The following PTPRT variants were observed in gnomAD, a reference collection of about 807,000 sequenced individuals.
PTPRT encodes the protein protein tyrosine phosphatase receptor type T, also known as receptor-type tyrosine-protein phosphatase T.
In PTPRT, 56 loss-of-function variants were observed where a neutral mutation model predicts 176.8. The ratio of observed to expected loss-of-function variants is 0.32; its 90% CI spans 0.26 to 0.40. The LOEUF (loss-of-function observed/expected upper bound fraction) is 0.40. PTPRT is among the 10% of genes least tolerant of loss of function. The pLI, the probability that PTPRT is intolerant of heterozygous loss-of-function variation, is 1.00. For missense variants in PTPRT, 1,540 were observed against 1,908.2 expected (o/e 0.81, Z 3.60); for synonymous variants, 783 against 739.0 (o/e 1.06, Z -0.96).
At position 43,027,221 on chromosome 20, in the gene PTPRT, T is replaced by C. The variant is rs148956527; in HGVS notation, c.89-141289A>G. On this transcript the variant is annotated intron_variant, in intron 1 of 30. Transcript: ENST00000373187. ...AGCCAGGCACGGTGATTCACGCCTG[T>C]AATCCCAGCACTTTGGGAGGCAGAG... Among the ~76,000 whole-genome samples the C allele has an allele frequency of 3.0e-3, 461 of 152,296 alleles. 1 individual carries two copies. Among genetic ancestry groups the C allele is most frequent in the African/African-American group, 0.01 (430 of 41,554 alleles).
At chr20:42,534,641 A>C (rs1337493144) in intron 7 of PTPRT, among the ~76,000 whole-genome samples, 1 of 152,176 alleles carries the variant, frequency 6.6e-6, no homozygotes, top group Non-Finnish European at 1.5e-5. Flanking sequence ...ATCTCAAAAA[A>C]GAAAAAAAGA....
At chr20:42,833,569 C>A (rs145466461) in intron 2 of PTPRT, among the ~76,000 whole-genome samples, 1 of 151,226 alleles carries the variant, frequency 6.6e-6, no homozygotes, top group South Asian at 2.1e-4. Flanking sequence ...GATGACAAAG[C>A]GAGGCCCCAT....
intron 1 of PTPRT, among the ~76,000 whole-genome samples, chr20:42,992,468 T>C (rs1319098041): frequency 6.6e-6 from 1 of 152,182 alleles, no homozygotes; most frequent in African/African-American, 2.4e-5. Context: ...GCAAGGAACC[T>C]AGCTGCCCTG....
Position 42,074,048 on chromosome 20 carries a change from ACTT to A in PTPRT, c.*6828_*6830del. ...ACCTGGGTCTAGCAAACTGTGCTTG[ACTT>A]CATCCAAGAATCTGCAGAGCTATGG... On this transcript the variant is annotated 3_prime_UTR_variant, in exon 31 of 31. Coordinates refer to ENST00000373187, the MANE Select transcript of PTPRT (RefSeq NM_007050.6). 4.3e-6 allele frequency: 1 copy of A among 230,156 alleles called. No individual in the cohort carries two copies. Among genetic ancestry groups the A allele is most frequent in the Non-Finnish European group, 8.6e-6 (1 of 116,124 alleles). The allele number at this position is 230,156 out of a possible 1,614,324, so 14.3% of individuals were successfully genotyped here.
At chr20:43,134,916 C>A (rs2146387719) in intron 1 of PTPRT, among the ~76,000 whole-genome samples, 1 of 152,314 alleles carries the variant, frequency 6.6e-6, no homozygotes, top group Admixed American at 6.5e-5. Context: ...AGAGGACTAT[C>A]CAATGCCTTG....
chr20:42,915,610 C>A (rs959211862), intron 1 of PTPRT, among the ~76,000 whole-genome samples: 4 of 152,148 alleles, frequency 2.6e-5, no homozygotes, highest in African/African-American at 9.7e-5. Flanking sequence ...ATCTATCTAT[C>A]TATCTGTCTA....
intron 1 of PTPRT, among the ~76,000 whole-genome samples, chr20:43,032,243 T>C (rs1297024055): frequency 6.6e-6 from 1 of 152,092 alleles, no homozygotes; most frequent in Non-Finnish European, 1.5e-5. Flanking sequence ...TAAACATCAG[T>C]TCCTCAGGTG....
At chr20:43,115,018 T>A (rs116355686) in intron 1 of PTPRT, among the ~76,000 whole-genome samples, 3,794 of 152,292 alleles carry the variant, frequency 0.025, 173 homozygotes, top group African/African-American at 0.087. Flanking sequence ...CCAGGCAGTG[T>A]GCTCAGTGGG....
At chr20:42,108,737 A>C (rs960041679) in intron 23 of PTPRT, among the ~76,000 whole-genome samples, 2 of 152,202 alleles carry the variant, frequency 1.3e-5, no homozygotes, top group Admixed American at 6.5e-5. Context: ...GGAGGCAGAG[A>C]ATAATGATAT....
intron 28 of PTPRT, 45 bp from the exon 29 acceptor site, chr20:42,084,890 GC>G (rs1375136912): frequency 5.9e-6 from 8 of 1,359,152 alleles, no homozygotes; most frequent in Non-Finnish European, 7.7e-6. Context: ...GGGGATGCTT[GC>G]GTACATGCAC....
At chr20:42,456,028 A>G (rs11086837) in intron 8 of PTPRT, among the ~76,000 whole-genome samples, 44,054 of 151,962 alleles carry the variant, frequency 0.29, 6,862 homozygotes, top group Non-Finnish European at 0.36. Context: ...CTTTATAATA[A>G]TAGTTTTCTC....
intron 7 of PTPRT, among the ~76,000 whole-genome samples, chr20:42,606,027 A>G (rs1441188142): frequency 6.6e-6 from 1 of 152,226 alleles, no homozygotes; most frequent in Non-Finnish European, 1.5e-5. Context: ...GAAGAATTTC[A>G]GGCTACAGGA....
At chr20:42,267,004 G>A (rs985555938) in intron 13 of PTPRT, among the ~76,000 whole-genome samples, 9 of 152,110 alleles carry the variant, frequency 5.9e-5, no homozygotes, top group African/African-American at 2.2e-4. Context: ...CTTTAATTTT[G>A]CTGCATATAA....
At chr20:42,175,268 T>C (rs1052327194) in intron 16 of PTPRT, among the ~76,000 whole-genome samples, 2 of 152,138 alleles carry the variant, frequency 1.3e-5, no homozygotes, top group Admixed American at 6.5e-5. Context: ...CTCACCAATC[T>C]CATTTGCCTC....
chr20:42,407,243 G>C (rs1290841270), intron 9 of PTPRT, among the ~76,000 whole-genome samples: 1 of 152,142 alleles, frequency 6.6e-6, no homozygotes, highest in Non-Finnish European at 1.5e-5. Flanking sequence ...CTGATTGAGG[G>C]GCCACGGGGG....
chr20:42,051,597 T>G, the PTPRT span, among the ~76,000 whole-genome samples: 7 of 151,892 alleles, frequency 4.6e-5, no homozygotes, highest in Non-Finnish European at 8.8e-5. Context: ...GCAGTCAGAG[T>G]GGTTGTCAGA....
At chr20:42,399,203 A>G (rs1454693688) in intron 9 of PTPRT, among the ~76,000 whole-genome samples, 1 of 152,254 alleles carries the variant, frequency 6.6e-6, no homozygotes, top group Non-Finnish European at 1.5e-5. Context: ...CTTGCTGAGA[A>G]GAGTGGCAAT....
intron 1 of PTPRT, among the ~76,000 whole-genome samples, chr20:42,976,391 T>G (rs954783585): frequency 2.6e-5 from 4 of 151,792 alleles, no homozygotes; most frequent in African/African-American, 9.7e-5. Flanking sequence ...TAAAGTATAG[T>G]ATGCATTTTT....
At chr20:42,963,606 T>TAC (rs143785814) in intron 1 of PTPRT, among the ~76,000 whole-genome samples, 15,998 of 151,818 alleles carry the variant, frequency 0.11, 1,864 homozygotes, top group African/African-American at 0.29. Flanking sequence ...TTGTAAAAGA[T>TAC]AGAGACATAA....
Sources: gnomAD v4.1 joint callset for allele counts (sites outside exome capture counted in the v4.1 genomes callset) on GRCh38, gnomAD v4.1.1 for gene constraint, MANE v1.5 for transcripts, NCBI Gene and HGNC (gene_info 2026-07-23, HGNC 2026-07-21) for gene names.